MTRF1: variants seen among roughly 807,000 people sequenced by gnomAD.
MTRF1 encodes the protein peptide chain release factor 1, mitochondrial.
Under a neutral mutation model 62.9 loss-of-function variants are expected in MTRF1, and 51 were observed. That is an observed-to-expected ratio of 0.81 (90% CI 0.65 to 1.02). The LOEUF (loss-of-function observed/expected upper bound fraction) is 1.02. MTRF1 is among the 50% of genes least tolerant of loss of function. The pLI, the probability that MTRF1 is intolerant of heterozygous loss-of-function variation, is 0.00. For missense variants in MTRF1, 446 were observed against 530.0 expected (o/e 0.84, Z 1.56); for synonymous variants, 158 against 181.9 (o/e 0.87, Z 1.06).
At chr13:41,307,990 G>A in the MTRF1 span, among the ~76,000 whole-genome samples, 6 of 152,230 alleles carry the variant, frequency 3.9e-5, no homozygotes, top group African/African-American at 7.2e-5. Flanking sequence ...TTTTCTTTGC[G>A]TGACTGCGCT....
At chr13:41,311,301 C>T in the MTRF1 span, 7 of 545,838 alleles carry the variant, frequency 1.3e-5, no homozygotes, top group Middle Eastern at 3.6e-4. Flanking sequence ...CGCCGCTGGC[C>T]AAAAAGCGGA....
chr13:41,294,837 A>G, the MTRF1 span, among the ~76,000 whole-genome samples: 1 of 152,232 alleles, frequency 6.6e-6, no homozygotes, highest in Non-Finnish European at 1.5e-5. Context: ...GAAATTACTT[A>G]TAAGTCTTTC....
the MTRF1 span, among the ~76,000 whole-genome samples, chr13:41,278,418 C>A: frequency 7.3e-6 from 1 of 136,562 alleles, no homozygotes; most frequent in East Asian, 2.0e-4. Context: ...AGTTTAAATA[C>A]CCCCTAGGAT....
At chr13:41,311,027 A>T in the MTRF1 span, among the ~76,000 whole-genome samples, 1 of 152,234 alleles carries the variant, frequency 6.6e-6, no homozygotes, top group Non-Finnish European at 1.5e-5. Context: ...GTTCTGATGC[A>T]TAGGAGCAAT....
the MTRF1 span, among the ~76,000 whole-genome samples, chr13:41,276,364 G>A: frequency 6.6e-6 from 1 of 151,810 alleles, no homozygotes; most frequent in Admixed American, 6.6e-5. Flanking sequence ...TAGAGATGAG[G>A]GTTCACCATG....
intron 7 of MTRF1, among the ~76,000 whole-genome samples, chr13:41,228,889 C>G (rs1268677006): frequency 6.6e-6 from 1 of 152,146 alleles, no homozygotes; most frequent in Non-Finnish European, 1.5e-5. Flanking sequence ...GGGACGGTTC[C>G]TAGTCTAAGG....
the MTRF1 span, among the ~76,000 whole-genome samples, chr13:41,273,289 G>A: frequency 0.019 from 2,915 of 150,628 alleles, 64 homozygotes; most frequent in African/African-American, 0.052. Context: ...TCGCGCCACT[G>A]CACTCCAGCC....
chr13:41,279,374 T>C, the MTRF1 span, among the ~76,000 whole-genome samples: 1 of 152,238 alleles, frequency 6.6e-6, no homozygotes, highest in African/African-American at 2.4e-5. Flanking sequence ...TGATAAAACC[T>C]TGGCCCCCAC....
At chr13:41,272,247 C>CTTTT in the MTRF1 span, among the ~76,000 whole-genome samples, 2 of 152,130 alleles carry the variant, frequency 1.3e-5, no homozygotes, top group Non-Finnish European at 2.9e-5. Context: ...GAATTCTTTA[C>CTTTT]AGGGATTCAA....
chr13:41,221,454 A>G (rs951374591), intron 9 of MTRF1, among the ~76,000 whole-genome samples: 4 of 152,012 alleles, frequency 2.6e-5, no homozygotes, highest in African/African-American at 4.8e-5. Context: ...CACCGTGCCC[A>G]GCCAATTATT....
intron 1 of MTRF1, chr13:41,262,501 A>C (rs2040581951): frequency 6.6e-6 from 1 of 152,182 alleles, no homozygotes; most frequent in African/African-American, 2.4e-5. Context: ...AAAAAAGATT[A>C]GTTTAAAAAA....
At chr13:41,220,598 T>G in intron 9 of MTRF1, 2 of 1,288,932 alleles carry the variant, frequency 1.6e-6, no homozygotes, top group Non-Finnish European at 2.0e-6. Context: ...GATAGGAATG[T>G]GGAATGTGCA....
the MTRF1 span, among the ~76,000 whole-genome samples, chr13:41,282,938 A>T: frequency 1.1e-4 from 17 of 152,218 alleles, no homozygotes; most frequent in Non-Finnish European, 2.4e-4. Context: ...AAACCCAAAC[A>T]TAAGGACTTT....
At chr13:41,285,111 A>T in the MTRF1 span, among the ~76,000 whole-genome samples, 6 of 152,176 alleles carry the variant, frequency 3.9e-5, no homozygotes, top group Non-Finnish European at 5.9e-5. Context: ...ATGCTGATTT[A>T]TTTCTGAATC....
chr13:41,226,664 G>C, intron 7 of MTRF1, 96 bp from the exon 8 acceptor site: 1 of 1,353,638 alleles, frequency 7.4e-7, no homozygotes. Flanking sequence ...ATCAGGAAAA[G>C]ATCACAAAAG....
intron 1 of MTRF1, chr13:41,262,353 AAAAAG>A (rs1331427906): frequency 2.7e-5 from 4 of 150,684 alleles, no homozygotes; most frequent in Non-Finnish European, 5.9e-5. Flanking sequence ...AAAAAAAAAA[AAAAAG>A]AAACATACCA....
intron 5 of MTRF1, among the ~76,000 whole-genome samples, chr13:41,250,387 T>G (rs748304489): frequency 6.6e-6 from 1 of 152,198 alleles, no homozygotes; most frequent in Non-Finnish European, 1.5e-5. Context: ...CTCCCTCACT[T>G]ATTCTCTCAG....
the MTRF1 span, among the ~76,000 whole-genome samples, chr13:41,272,351 T>C: frequency 1.2e-4 from 18 of 152,202 alleles, no homozygotes; most frequent in South Asian, 1.2e-3. Flanking sequence ...AGAACATTGT[T>C]TGTTGTTTGT....
intron 5 of MTRF1, among the ~76,000 whole-genome samples, chr13:41,250,674 A>G (rs1374939944): frequency 2.6e-5 from 4 of 152,124 alleles, no homozygotes; most frequent in Non-Finnish European, 5.9e-5. Flanking sequence ...TTGTATTGTT[A>G]GTACAGACGG....
Sources: gnomAD v4.1 joint callset for allele counts (sites outside exome capture counted in the v4.1 genomes callset) on GRCh38, gnomAD v4.1.1 for gene constraint, MANE v1.5 for transcripts, NCBI Gene and HGNC (gene_info 2026-07-23, HGNC 2026-07-21) for gene names.